Variants in RFX7 observed in about 807,000 individuals in gnomAD.
RFX7 encodes DNA-binding protein RFX7.
Under a neutral mutation model 111.8 loss-of-function variants are expected in RFX7, and 26 were observed. The observed-to-expected ratio is 0.23, with a 90% CI of 0.17 to 0.32. The LOEUF (loss-of-function observed/expected upper bound fraction) is 0.32. RFX7 is among the 10% of genes least tolerant of loss of function. RFX7 has a pLI of 1.00. For synonymous variants in RFX7, 624 were observed against 624.4 expected, an observed-to-expected ratio of 1.00 and a Z score of 0.01; for missense variants, 1,573 against 1,772.9, an observed-to-expected ratio of 0.89 and a Z score of 2.02.
intron 5 of RFX7, among the ~76,000 whole-genome samples, chr15:56,130,255 AAGAG>A (rs768135242): frequency 1.4e-4 from 21 of 152,190 alleles, no homozygotes; most frequent in Non-Finnish European, 2.5e-4. Flanking sequence ...GAGCTACAGA[AAGAG>A]AATGTCAAAA....
chr15:56,191,656 T>C (rs1458833793), intron 2 of RFX7, among the ~76,000 whole-genome samples: 4 of 152,174 alleles, frequency 2.6e-5, no homozygotes, highest in Non-Finnish European at 5.9e-5. Context: ...TATTAGTCCA[T>C]TTATAGGCAA....
chr15:56,144,060 T>C (rs1233844032), intron 4 of RFX7, among the ~76,000 whole-genome samples: 1 of 152,184 alleles, frequency 6.6e-6, no homozygotes, highest in Non-Finnish European at 1.5e-5. Flanking sequence ...AAAACTCTTA[T>C]ACCTTATTCC....
intron 2 of RFX7, among the ~76,000 whole-genome samples, chr15:56,212,176 G>A (rs1371481716): frequency 2.6e-5 from 4 of 152,052 alleles, no homozygotes; most frequent in Admixed American, 6.6e-5. Context: ...GTGCTAAAAA[G>A]AAATTAGCTA....
At chr15:56,213,971 A>G (rs1198058440) in intron 2 of RFX7, among the ~76,000 whole-genome samples, 1 of 152,074 alleles carries the variant, frequency 6.6e-6, no homozygotes, top group African/African-American at 2.4e-5. Flanking sequence ...CTTTTTTTCT[A>G]TATTGATAGC....
chr15:56,115,163 C>T (rs1199047387), intron 5 of RFX7, among the ~76,000 whole-genome samples: 1 of 152,168 alleles, frequency 6.6e-6, no homozygotes, highest in African/African-American at 2.4e-5. Flanking sequence ...GCGCCCACCA[C>T]CATGCCCAGC....
intron 2 of RFX7, among the ~76,000 whole-genome samples, chr15:56,204,685 A>AT (rs2043233247): frequency 3.9e-4 from 59 of 152,326 alleles, no homozygotes; most frequent in Admixed American, 3.7e-3. Context: ...CTATCTACCC[A>AT]TACCTACATT....
chr15:56,214,114 A>C (rs1244213100), intron 2 of RFX7, among the ~76,000 whole-genome samples: 3 of 151,972 alleles, frequency 2.0e-5, no homozygotes, highest in Admixed American at 2.0e-4. Context: ...CAGTTATTTA[A>C]CCATGTGCAA....
At chr15:56,211,154 A>C (rs1398474102) in intron 2 of RFX7, among the ~76,000 whole-genome samples, 1 of 152,096 alleles carries the variant, frequency 6.6e-6, no homozygotes, top group Non-Finnish European at 1.5e-5. Context: ...CCAAACCAAA[A>C]GCAAAGGGTC....
At chr15:56,160,307 A>T (rs1361842668) in intron 3 of RFX7, among the ~76,000 whole-genome samples, 1 of 151,910 alleles carries the variant, frequency 6.6e-6, no homozygotes, top group Non-Finnish European at 1.5e-5. Flanking sequence ...CATGTCCATA[A>T]TTAGTCCATG....
In RFX7 at chr15:56,089,302, G is replaced by A. The variant is rs1490148151; in HGVS notation, c.*4043C>T. ...GATGTTATGAGGGTATAACATCTGA[G>A]CTGTGGCAGCCATCTTGTGACTATG... On this transcript the variant is annotated 3_prime_UTR_variant, in exon 10 of 10. Coordinates refer to ENST00000559447, the MANE Select transcript of RFX7 (RefSeq NM_022841.7). The A allele has an allele frequency of 1.3e-5, 2 of 152,484 alleles. No individual in the cohort carries two copies. Among genetic ancestry groups the A allele is most frequent in the African/African-American group, 4.8e-5 (2 of 41,400 alleles). The allele number at this position is 152,484 out of a possible 1,614,324, so 9.4% of individuals were successfully genotyped here.
Position 56,222,879 on chromosome 15 carries a change from G to A in RFX7, c.161+20246C>T, listed in dbSNP as rs572637691. Among the ~76,000 whole-genome samples, 3 of 152,086 alleles carry A rather than the reference G, an allele frequency of 2.0e-5. No individual in the cohort carries two copies. The East Asian group carries it at 5.8e-4, about 29-fold the overall frequency. On this transcript the variant is annotated intron_variant, in intron 2 of 9. Transcript: ENST00000559447. ...AATTTTTTATACAGCTGGTCATTGT[G>A]GGTACTATGTTGTGGAACATTTGGA...
chr15:56,131,271 C>CTTTT (rs140251962), intron 5 of RFX7, among the ~76,000 whole-genome samples: 3 of 74,014 alleles, frequency 4.1e-5, no homozygotes, highest in African/African-American at 1.6e-4. Context: ...TATTAGGTAT[C>CTTTT]TTTTTTTTTT....
Position 56,088,575 on chromosome 15 carries a change from A to G in RFX7, c.*4770T>C, listed in dbSNP as rs2140501167. On this transcript the variant is annotated 3_prime_UTR_variant, in exon 10 of 10. Coordinates refer to ENST00000559447, the MANE Select transcript of RFX7 (RefSeq NM_022841.7). ...AGCAGATTATAGCAACAAGACTGGC[A>G]TACATATTTTTAAAATTTCAGATGA... The G allele has an allele frequency of 6.6e-6, 1 of 152,294 alleles. No homozygotes were observed. 9.4% of individuals were successfully genotyped at this position (152,294 alleles called of 1,614,324 possible).
At chr15:56,233,808 C>T (rs1303651765) in intron 2 of RFX7, among the ~76,000 whole-genome samples, 2 of 152,116 alleles carry the variant, frequency 1.3e-5, no homozygotes, top group Non-Finnish European at 2.9e-5. Flanking sequence ...CAGTTCCCAC[C>T]CAGCTCACAT....
chr15:56,169,995 A>G (rs976668988), intron 3 of RFX7, among the ~76,000 whole-genome samples: 4 of 152,146 alleles, frequency 2.6e-5, no homozygotes, highest in Non-Finnish European at 5.9e-5. Flanking sequence ...TCCCAAAAAT[A>G]TTTCCAAATA....
intron 2 of RFX7, among the ~76,000 whole-genome samples, chr15:56,198,839 T>C (rs773394089): frequency 1.3e-5 from 2 of 152,120 alleles, no homozygotes; most frequent in Non-Finnish European, 1.5e-5. Context: ...TCTCCTTTTG[T>C]ATACATTCGA....
chr15:56,139,500 TCTAGTTA>T (rs2042357237), intron 5 of RFX7, among the ~76,000 whole-genome samples: 2 of 152,158 alleles, frequency 1.3e-5, no homozygotes, highest in Admixed American at 1.3e-4. Flanking sequence ...TATTGGTTAT[TCTAGTTA>T]TACATTCTTC....
chr15:56,223,827 A>T (rs1431259272), intron 2 of RFX7, among the ~76,000 whole-genome samples: 1 of 152,134 alleles, frequency 6.6e-6, no homozygotes, highest in East Asian at 1.9e-4. Context: ...CCCATTTAAC[A>T]TATGAATTTG....
At chr15:56,143,293 A>C (rs1299501578) in intron 4 of RFX7, among the ~76,000 whole-genome samples, 1 of 149,988 alleles carries the variant, frequency 6.7e-6, no homozygotes, top group Non-Finnish European at 1.5e-5. Context: ...TTCTCATATA[A>C]TATATATATA....
Sources: allele counts gnomAD v4.1 joint callset (sites outside exome capture counted in the v4.1 genomes callset), GRCh38; gene constraint gnomAD v4.1.1; transcripts MANE v1.5; gene names NCBI Gene and HGNC (gene_info 2026-07-23, HGNC 2026-07-21).